The following IGFL4 variants were observed in gnomAD, a reference collection of about 807,000 sequenced individuals.
IGFL4 encodes the protein IGF like family member 4.
IGFL4 carries 12 observed loss-of-function variants against 15.4 expected under a neutral mutation model. The ratio of observed to expected loss-of-function variants is 0.78; its 90% CI spans 0.50 to 1.26. The LOEUF (loss-of-function observed/expected upper bound fraction) is 1.26, where lower values mean the gene tolerates loss of function less well. Among genes scored for constraint, IGFL4 ranks in the 50% most tolerant of loss-of-function variants. IGFL4 has a pLI of 0.00. For synonymous variants in IGFL4, 54 were observed against 55.9 expected, an observed-to-expected ratio of 0.97 and a Z score of 0.16; for missense variants, 126 against 147.8, an observed-to-expected ratio of 0.85 and a Z score of 0.76.
At chr19:46,054,026 G>C (rs1969371193) in intron 2 of IGFL4, among the ~76,000 whole-genome samples, 1 of 152,120 alleles carries the variant, frequency 6.6e-6, no homozygotes, top group Non-Finnish European at 1.5e-5. Context: ...TTAATGCCTA[G>C]TCAGATGAAT....
rs561220947 is a variant in IGFL4 at position 46,048,446 on chromosome 19, A to G, written c.-322-7336T>C. On this transcript the variant is annotated intron_variant, in intron 2 of 5. Transcript: ENST00000601672. ...GCAATTAGGCTAGAGAAAGAAATAA[A>G]GCGTATTCAAATAGGAAGAGAGGAA... 7.0e-4 allele frequency among the ~76,000 whole-genome samples: 107 copies of G among 152,300 alleles called. 1 individual carries two copies. Among genetic ancestry groups the G allele is most frequent in the African/African-American group, 2.4e-3 (99 of 41,548 alleles).
intron 2 of IGFL4, among the ~76,000 whole-genome samples, chr19:46,057,325 C>T (rs1969402318): frequency 6.6e-6 from 1 of 151,888 alleles, no homozygotes; most frequent in African/African-American, 2.4e-5. Context: ...CATTTTTCCT[C>T]AGGGCTGAGG....
chr19:46,057,834 A>T (rs1290532872), intron 2 of IGFL4: 12 of 151,900 alleles, frequency 7.9e-5, no homozygotes, highest in Non-Finnish European at 5.9e-5. Flanking sequence ...AACCATCAGA[A>T]CTCTTGAGAT....
intron 2 of IGFL4, chr19:46,059,515 T>G (rs8112309): frequency 0.33 from 49,791 of 151,872 alleles, 8,533 homozygotes; most frequent in African/African-American, 0.42. Flanking sequence ...TATTCTGAAC[T>G]GCAACCAGAG....
chr19:46,050,331 G>A (rs1969334054), intron 2 of IGFL4, among the ~76,000 whole-genome samples: 1 of 152,080 alleles, frequency 6.6e-6, no homozygotes, highest in Non-Finnish European at 1.5e-5. Context: ...TCTCTGAATT[G>A]CCAGAAAAAG....
chr19:46,063,623 C>G (rs35237775), intron 1 of IGFL4, among the ~76,000 whole-genome samples: 1 of 151,956 alleles, frequency 6.6e-6, no homozygotes, highest in Non-Finnish European at 1.5e-5. Flanking sequence ...CAGAGCCCTG[C>G]GCAGAGGAGA....
intron 2 of IGFL4, among the ~76,000 whole-genome samples, chr19:46,055,760 G>A (rs1969387057): frequency 6.6e-6 from 1 of 151,970 alleles, no homozygotes; most frequent in African/African-American, 2.4e-5. Context: ...ACAGCAAAAA[G>A]TTTTGTGAGA....
rs56333177 is a variant in IGFL4 at position 46,054,316 on chromosome 19, C to G, written c.-323+5869G>C. On this transcript the variant is annotated intron_variant, in intron 2 of 5. Coordinates refer to the IGFL4 transcript ENST00000601672. ...TCCATGGGAGTCTAGTTTCATTGTT[C>G]TACATATGGATATTCAGTCTCCCCA... Among the ~76,000 whole-genome samples the G allele has an allele frequency of 9.8e-3, 1,493 of 152,226 alleles. 17 individuals carry two copies. Among genetic ancestry groups the G allele is most frequent in the Non-Finnish European group, 0.016 (1,090 of 68,016 alleles).
intron 2 of IGFL4, among the ~76,000 whole-genome samples, chr19:46,057,257 A>C (rs1029924936): frequency 3.9e-5 from 6 of 152,004 alleles, no homozygotes; most frequent in Admixed American, 6.6e-5. Context: ...TGGACTCTTA[A>C]GCTTAGGAGT....
upstream of IGFL4, among the ~76,000 whole-genome samples, chr19:46,041,699 T>A (rs928593170): frequency 2.6e-5 from 4 of 152,060 alleles, no homozygotes; most frequent in African/African-American, 9.7e-5. Flanking sequence ...CCCCTCCATT[T>A]TCCACTGGTT....
At chr19:46,042,209 C>T (rs572068054), upstream of IGFL4, among the ~76,000 whole-genome samples, 3 of 152,102 alleles carry the variant, frequency 2.0e-5, no homozygotes, top group Admixed American at 6.6e-5. Context: ...TAGCTCTCCT[C>T]GCCTATTTCT....
chr19:46,052,720 C>CAAAA (rs5828263), intron 2 of IGFL4, among the ~76,000 whole-genome samples: 1 of 145,438 alleles, frequency 6.9e-6, no homozygotes, highest in African/African-American at 2.5e-5. Flanking sequence ...GAAACTCCGT[C>CAAAA]AAAAAAAAAA....
upstream of IGFL4, among the ~76,000 whole-genome samples, chr19:46,042,375 C>G (rs1969255133): frequency 6.6e-6 from 1 of 152,152 alleles, no homozygotes; most frequent in African/African-American, 2.4e-5. Context: ...AACTACATTC[C>G]TGTTTATCAA....
intron 1 of IGFL4, among the ~76,000 whole-genome samples, chr19:46,074,250 T>C (rs1969573351): frequency 6.6e-6 from 1 of 151,726 alleles, no homozygotes; most frequent in South Asian, 2.1e-4. Flanking sequence ...GTCAGGGTTG[T>C]CTAGAGGGAC....
chr19:46,070,123 C>A (rs1155440), intron 1 of IGFL4, among the ~76,000 whole-genome samples: 127,203 of 151,878 alleles, frequency 0.84, 53,574 homozygotes, highest in Middle Eastern at 0.88. Context: ...AGCTCAAATA[C>A]GAATTGAAGC....
At chr19:46,052,720 C>CAA (rs5828263) in intron 2 of IGFL4, among the ~76,000 whole-genome samples, 161 of 145,460 alleles carry the variant, frequency 1.1e-3, no homozygotes, top group Non-Finnish European at 1.8e-3. Context: ...GAAACTCCGT[C>CAA]AAAAAAAAAA....
Position 46,040,478 on chromosome 19 carries a change from T to G in IGFL4, c.70+40A>C. 1 of 1,614,062 alleles carries G rather than the reference T, an allele frequency of 6.2e-7. No homozygotes were observed. The highest frequency in any genetic ancestry group is 8.5e-7 in the Non-Finnish European group (1 of 1,179,916). ...GCCTAGGACCACCTCCCCACCAACC[T>G]TAATGCTGTTCTCTCCTCCCTCACT... On this transcript the variant is annotated intron_variant, in intron 2 of 3. Transcript: ENST00000377697. The surrounding 1 kb of genome is among the most constrained non-coding windows in gnomAD (Gnocchi z 4.1).
At chr19:46,067,962 ATCAAAAGACTTTGAGTCAAAAGGTT>A (rs1969510544) in intron 1 of IGFL4, among the ~76,000 whole-genome samples, 1 of 152,166 alleles carries the variant, frequency 6.6e-6, no homozygotes, top group Non-Finnish European at 1.5e-5. Context: ...GGTCCCTTGG[ATCAAAAGACTTTGAGTCAAAAGGTT>A]TCAGGTGTGA....
At chr19:46,075,888 T>G (rs1969590829) in intron 1 of IGFL4, among the ~76,000 whole-genome samples, 1 of 152,224 alleles carries the variant, frequency 6.6e-6, no homozygotes, top group Non-Finnish European at 1.5e-5. Flanking sequence ...TTTATACCAG[T>G]AGGAACTCAT....
Sources: allele counts gnomAD v4.1 joint callset (sites outside exome capture counted in the v4.1 genomes callset), GRCh38; gene constraint gnomAD v4.1.1; non-coding constraint Gnocchi (gnomAD v3.1); transcripts MANE v1.5; gene names NCBI Gene and HGNC (gene_info 2026-07-23, HGNC 2026-07-21).